Variants in FUT8 observed in about 807,000 individuals in gnomAD.
FUT8 encodes the protein alpha-(1,6)-fucosyltransferase.
A neutral mutation model predicts 71.3 loss-of-function variants in FUT8; 29 were observed. The observed-to-expected ratio is 0.41, with a 90% CI of 0.30 to 0.55. The LOEUF (loss-of-function observed/expected upper bound fraction) is 0.55, where lower values mean the gene tolerates loss of function less well. Ranked by LOEUF, FUT8 falls within the 20% of genes least tolerant of loss-of-function variation. The probability of loss-of-function intolerance (pLI) is 0.34; values close to 1 mark genes in which losing one functional copy is unlikely to be tolerated. For synonymous variants in FUT8, 254 were observed against 239.3 expected, an observed-to-expected ratio of 1.06 and a Z score of -0.57; for missense variants, 544 against 702.1, an observed-to-expected ratio of 0.77 and a Z score of 2.55.
At chr14:65,662,785 C>T (rs1479514633) in intron 6 of FUT8, among the ~76,000 whole-genome samples, 1 of 152,136 alleles carries the variant, frequency 6.6e-6, no homozygotes, top group Non-Finnish European at 1.5e-5. Flanking sequence ...CTATTTTAAA[C>T]TAACCAATTG....
rs553104393 is a variant in FUT8, at chr14:65,718,405, A to G, written c.836-3370A>G. 1.1e-4 allele frequency among the ~76,000 whole-genome samples: 16 copies of G among 152,210 alleles called. No homozygotes were observed. In the South Asian group the frequency reaches 2.7e-3, roughly 26 times the overall value. On this transcript the variant is annotated intron_variant, in intron 7 of 10. Transcript: ENST00000673929. ...AACTTTTTAACTTTCTGTTATTTCT[A>G]TTTATATCTTATGGTACCAAGTATG...
chr14:65,710,446 T>C (rs1374028211), intron 7 of FUT8, among the ~76,000 whole-genome samples: 1 of 152,210 alleles, frequency 6.6e-6, no homozygotes, highest in Non-Finnish European at 1.5e-5. Context: ...TACTATGTTA[T>C]TTTCTTTCAT....
intron 2 of FUT8, among the ~76,000 whole-genome samples, chr14:65,547,723 G>C (rs1885057677): frequency 6.6e-6 from 1 of 151,538 alleles, no homozygotes; most frequent in South Asian, 2.1e-4. Flanking sequence ...TTTTTTAAAA[G>C]CTTTTTGTTT....
intron 7 of FUT8, among the ~76,000 whole-genome samples, chr14:65,694,889 G>C (rs1032629118): frequency 8.9e-6 from 1 of 112,950 alleles, no homozygotes; most frequent in Non-Finnish European, 1.7e-5. Context: ...TCTGGGGACT[G>C]TTGTGGGGTG....
In FUT8 at chr14:65,616,278, C is replaced by T. The variant is rs754649929; in HGVS notation, c.387C>T (p.Phe129=). ...IENGAKELWF[F]LQSELKKLKN... ...ATGGAGCTAAAGAGCTCTGGTTTTT[C>T]CTACAGAGTGAATTGAAGAAATTAA... is the stretch of plus-strand genomic sequence containing the variant. Residue 129 remains phenylalanine (F), a synonymous_variant, in exon 5 of 11, where the codon TTC becomes TTT. Transcript: ENST00000673929. 1.9e-6 allele frequency: 3 copies of T among 1,612,444 alleles called. No homozygotes were observed. The highest frequency in any genetic ancestry group is 2.5e-6 in the Non-Finnish European group (3 of 1,179,218).
At chr14:65,676,643 CT>C (rs1340621361) in intron 7 of FUT8, among the ~76,000 whole-genome samples, 1 of 147,834 alleles carries the variant, frequency 6.8e-6, no homozygotes, top group Non-Finnish European at 1.5e-5. Context: ...TCCTTTCTTC[CT>C]TTTGTAAGTA....
At chr14:65,391,446 C>G in the FUT8 span, among the ~76,000 whole-genome samples, 1 of 152,034 alleles carries the variant, frequency 6.6e-6, no homozygotes, top group African/African-American at 2.4e-5. Flanking sequence ...ACCTCTGCCC[C>G]CCAGGTTCAA....
chr14:65,673,903 C>T (rs895842654), intron 7 of FUT8, among the ~76,000 whole-genome samples: 4 of 152,120 alleles, frequency 2.6e-5, no homozygotes, highest in African/African-American at 9.7e-5. Context: ...TCACTCAGGT[C>T]AGAAGGAAAA....
the FUT8 span, among the ~76,000 whole-genome samples, chr14:65,403,025 A>G: frequency 6.6e-6 from 1 of 152,218 alleles, no homozygotes; most frequent in African/African-American, 2.4e-5. Context: ...AATCTTGTCA[A>G]TCACTTCTTT....
At chr14:65,588,122 CT>C (rs76481987) in intron 3 of FUT8, among the ~76,000 whole-genome samples, 9,455 of 152,214 alleles carry the variant, frequency 0.062, 534 homozygotes, top group African/African-American at 0.15. Context: ...ACACTACCTA[CT>C]GTTCTAGCTT....
chr14:65,423,380 G>T (rs891320777), intron 1 of FUT8, among the ~76,000 whole-genome samples: 2 of 151,162 alleles, frequency 1.3e-5, no homozygotes, highest in African/African-American at 4.9e-5. Context: ...TCCTGCCTCA[G>T]CCCCCTGAAT....
chr14:65,587,168 G>A (rs1484098640), intron 3 of FUT8, among the ~76,000 whole-genome samples: 1 of 146,326 alleles, frequency 6.8e-6, no homozygotes, highest in African/African-American at 2.5e-5. Context: ...CAGCCTGGGC[G>A]ACAGAGCGAG....
chr14:65,412,130 G>A (rs1023251253), upstream of FUT8: 3 of 434,350 alleles, frequency 6.9e-6, no homozygotes, highest in South Asian at 3.2e-5. Context: ...AGGCCCTCGT[G>A]GGGGGGGTCT....
intron 2 of FUT8, among the ~76,000 whole-genome samples, chr14:65,508,012 G>GATATCTCA (rs1185580521): frequency 6.6e-6 from 1 of 151,070 alleles, no homozygotes; most frequent in Non-Finnish European, 1.5e-5. Flanking sequence ...GGAGTAAGAT[G>GATATCTCA]ATATCTCATT....
chr14:65,439,679 G>GT (rs1259478949), intron 1 of FUT8, among the ~76,000 whole-genome samples: 1 of 151,688 alleles, frequency 6.6e-6, no homozygotes, highest in Middle Eastern at 3.2e-3. Context: ...GAAACTACAA[G>GT]TTTTTTCTCT....
At chr14:65,364,791 A>G in the FUT8 span, among the ~76,000 whole-genome samples, 1 of 152,164 alleles carries the variant, frequency 6.6e-6, no homozygotes, top group Non-Finnish European at 1.5e-5. Context: ...CTCTCCTAAT[A>G]GGCCTAAGTC....
chr14:65,606,795 A>T (rs1888612804), intron 3 of FUT8, among the ~76,000 whole-genome samples: 1 of 151,798 alleles, frequency 6.6e-6, no homozygotes, highest in Admixed American at 6.6e-5. Flanking sequence ...TTTCATAAGT[A>T]TTTTAGGATC....
chr14:65,523,058 G>A (rs56682283), intron 2 of FUT8, among the ~76,000 whole-genome samples: 9,882 of 152,252 alleles, frequency 0.065, 369 homozygotes, highest in Admixed American at 0.11. Context: ...CTTTATAGCA[G>A]CATGATTTAT....
intron 3 of FUT8, 22 bp downstream of exon 3, chr14:65,561,788 G>A (rs777545952): frequency 3.2e-6 from 5 of 1,561,486 alleles, no homozygotes; most frequent in East Asian, 2.2e-5. Flanking sequence ...AATACTGAAT[G>A]AAGAATGATG....
Sources: gnomAD v4.1 joint callset for allele counts (sites outside exome capture counted in the v4.1 genomes callset) on GRCh38, gnomAD v4.1.1 for gene constraint, MANE v1.5 for transcripts, NCBI Gene and HGNC (gene_info 2026-07-23, HGNC 2026-07-21) for gene names.